PCM1: variants seen among roughly 807,000 people sequenced by gnomAD.
PCM1 encodes the protein pericentriolar material 1 protein.
Under a neutral mutation model 241.9 loss-of-function variants are expected in PCM1, and 157 were observed. The observed-to-expected ratio is 0.65, with a 90% CI of 0.57 to 0.74. The LOEUF is 0.74. Ranked by LOEUF, PCM1 falls within the 30% of genes least tolerant of loss-of-function variation. The pLI is 0.00. For missense variants in PCM1, 3,478 were observed against 2,360.1 expected (o/e 1.47, Z -9.81); for synonymous variants, 1,085 against 784.9 (o/e 1.38, Z -6.39).
rs550672840 is a variant in PCM1, at chr8:17,948,294, CTTTTTTTTTTTTTTT to C, written c.961+944_961+958del. ...GAACGTTATGACTTTCAAATAACCTCTTTTTTTTTTTTTTTTTTTTTTTTTTTGGAGACAGAGTTT... is the reference window on the plus strand; with the variant it reads ...GAACGTTATGACTTTCAAATAACCTCTTTTTTTTTTTTGGAGACAGAGTTT... On this transcript the variant is annotated intron_variant, in intron 7 of 38. Coordinates refer to ENST00000325083, the MANE Select transcript of PCM1 (RefSeq NM_006197.4). 3.0e-3 allele frequency among the ~76,000 whole-genome samples: 191 copies of C among 64,010 alleles called. 1 individual carries two copies. The highest frequency in any genetic ancestry group is 0.011 in the African/African-American group (179 of 15,844). 42.0% of individuals were successfully genotyped at this position (64,010 alleles called of 152,430 possible). A position where few individuals can be genotyped will look rare whatever the true frequency, so the allele number is the denominator to read the frequency against.
rs142633147 is a variant in PCM1, at chr8:18,015,943, C to T, written c.5841+1103C>T. 471 of 152,798 alleles carry T rather than the reference C, an allele frequency of 3.1e-3. 3 individuals are homozygous for T. The highest frequency in any genetic ancestry group is 0.011 in the African/African-American group (451 of 41,586). 9.5% of individuals were successfully genotyped at this position (152,798 alleles called of 1,614,324 possible). Reference sequence around the variant, plus strand: ...TCGCTCTGTCATCCAGGCTGGAGTGCAGTGGCGCGATCTCGGCTCACTGCA... The same window carrying T: ...TCGCTCTGTCATCCAGGCTGGAGTGTAGTGGCGCGATCTCGGCTCACTGCA... On this transcript the variant is annotated intron_variant, in intron 36 of 38. Coordinates refer to ENST00000325083, the MANE Select transcript of PCM1 (RefSeq NM_006197.4).
At chr8:17,968,850 C>A (rs1316782851) in intron 21 of PCM1, among the ~76,000 whole-genome samples, 1 of 149,686 alleles carries the variant, frequency 6.7e-6, no homozygotes, top group East Asian at 2.0e-4. Flanking sequence ...CTTTTTAGTT[C>A]TTGGGTGTCA....
At chr8:17,974,363 A>T (rs953739321) in intron 23 of PCM1, among the ~76,000 whole-genome samples, 2 of 152,194 alleles carry the variant, frequency 1.3e-5, no homozygotes, top group Non-Finnish European at 2.9e-5. Flanking sequence ...AAATGAAGAA[A>T]AGCTGACATT....
chr8:17,974,869 A>G (rs1442536109), intron 23 of PCM1, among the ~76,000 whole-genome samples: 1 of 151,494 alleles, frequency 6.6e-6, no homozygotes, highest in African/African-American at 2.4e-5. Flanking sequence ...ACACACACAC[A>G]CACACACACA....
intron 6 of PCM1, among the ~76,000 whole-genome samples, chr8:17,941,109 G>C (rs925175909): frequency 6.6e-6 from 1 of 152,094 alleles, no homozygotes; most frequent in African/African-American, 2.4e-5. Context: ...GAGATACTTA[G>C]AGAGCCTGAT....
chr8:18,004,607 T>C (rs1446553181), intron 29 of PCM1, among the ~76,000 whole-genome samples: 1 of 152,216 alleles, frequency 6.6e-6, no homozygotes, highest in Non-Finnish European at 1.5e-5. Flanking sequence ...TTATTTATGA[T>C]GTCTCATTTC....
At chr8:18,004,903 C>T (rs2090808546) in intron 29 of PCM1, among the ~76,000 whole-genome samples, 1 of 152,190 alleles carries the variant, frequency 6.6e-6, no homozygotes, top group African/African-American at 2.4e-5. Flanking sequence ...CCTTAGTCTT[C>T]AAGTGGCTTC....
At chr8:17,950,228 A>G (rs893809267) in intron 7 of PCM1, among the ~76,000 whole-genome samples, 2 of 152,222 alleles carry the variant, frequency 1.3e-5, no homozygotes, top group Admixed American at 6.5e-5. Context: ...CGGAGAATTG[A>G]TTCTATTCAA....
intron 23 of PCM1, among the ~76,000 whole-genome samples, chr8:17,976,611 C>G (rs1245653451): frequency 6.6e-6 from 1 of 152,228 alleles, no homozygotes; most frequent in Non-Finnish European, 1.5e-5. Flanking sequence ...CTTAACCTCT[C>G]TGCGCTCTTT....
At chr8:18,018,799 G>C (rs1489064869) in intron 36 of PCM1, among the ~76,000 whole-genome samples, 1 of 141,698 alleles carries the variant, frequency 7.1e-6, no homozygotes, top group East Asian at 2.1e-4. Context: ...CACAGAGCCA[G>C]ATTCCGTCTC....
intron 34 of PCM1, 60 bp from the exon 35 acceptor site, chr8:18,013,904 A>G: frequency 1.0e-6 from 1 of 966,852 alleles, no homozygotes; most frequent in Admixed American, 2.6e-5. Context: ...ACTAGTAATC[A>G]TCTCTTTTAT....
At chr8:17,981,328 A>T (rs2080713844) in intron 24 of PCM1, among the ~76,000 whole-genome samples, 1 of 152,182 alleles carries the variant, frequency 6.6e-6, no homozygotes, top group Non-Finnish European at 1.5e-5. Context: ...GACTCTTAAT[A>T]CAATTTTAAT....
In PCM1 at chr8:17,941,899, CTTCT is replaced by C. The variant is rs1236068830; in HGVS notation, c.783+2041_783+2044del. Among the ~76,000 whole-genome samples, 21 of 152,216 alleles carry C rather than the reference CTTCT, an allele frequency of 1.4e-4. No individual in the cohort carries two copies. In the South Asian group the frequency reaches 3.9e-3, roughly 29 times the overall value. On this transcript the variant is annotated intron_variant, in intron 6 of 38. Transcript: ENST00000325083. ...AGCACTTCTTCTGTTCATATTTCCTCTTCTTTATTTGCTTTTCTGTTGTTGCTAT... is the reference window on the plus strand; with the variant it reads ...AGCACTTCTTCTGTTCATATTTCCTCTTATTTGCTTTTCTGTTGTTGCTAT...
At chr8:17,959,790 C>A (rs752300891) in intron 13 of PCM1, among the ~76,000 whole-genome samples, 8 of 152,140 alleles carry the variant, frequency 5.3e-5, no homozygotes, top group Admixed American at 1.3e-4. Context: ...TTCCAAATTT[C>A]CCAATTATAA....
chr8:17,964,734 C>T lies in PCM1; in HGVS notation c.2821C>T (p.His941Tyr). Residue 941 changes from histidine to tyrosine, a missense_variant, in exon 18 of 39, where the codon CAT (histidine) becomes TAT (tyrosine). Transcript: ENST00000325083. ...TGTGTGTCCTTCTAACAGTGTGAAT[C>T]ATAACTCCTACAATGGAAAGGAAAC... Reference protein sequence around the residue: ...FSVCPSNSVNHNSYNGKETKN... With the variant: ...FSVCPSNSVNYNSYNGKETKN... The T allele has an allele frequency of 6.2e-7, 1 of 1,613,722 alleles. No homozygotes were observed. The highest frequency in any genetic ancestry group is 8.5e-7 in the Non-Finnish European group (1 of 1,179,650).
intron 10 of PCM1, 56 bp downstream of exon 10, chr8:17,955,709 T>G (rs1054862221): frequency 1.6e-5 from 16 of 969,990 alleles, no homozygotes; most frequent in East Asian, 1.1e-4. Flanking sequence ...ATAAATTCTG[T>G]TTTTTTTTTT....
intron 36 of PCM1, among the ~76,000 whole-genome samples, chr8:18,016,425 T>G (rs1169745790): frequency 9.6e-6 from 1 of 103,892 alleles, no homozygotes; most frequent in East Asian, 2.7e-4. Flanking sequence ...TGGTTACACT[T>G]TACCAGAGAA....
At chr8:17,993,666 T>A (rs770761750) in intron 29 of PCM1, 47 bp downstream of exon 29, 3 of 1,489,602 alleles carry the variant, frequency 2.0e-6, no homozygotes, top group Middle Eastern at 1.7e-4. Flanking sequence ...ATGTTTTGTT[T>A]TTTAATTCAT....
chr8:18,014,028 C>T lies in PCM1; in HGVS notation c.5576C>T (p.Thr1859Ile), dbSNP rs370295094. ...AATGTCCCATTGGAACGAGAAGCCA[C>T]TAGTAAAAGTAAGAAATCTAAATAA... ...SKNVPLEREA[T>I]SKNDQNNCPV... Residue 1859 changes from threonine (T) to isoleucine (I), a missense_variant, in exon 35 of 39, where the codon ACT becomes ATT. Thr to Ile is a moderately conservative substitution (Grantham distance 89). Coordinates refer to ENST00000325083, the MANE Select transcript of PCM1 (RefSeq NM_006197.4). 1.3e-6 allele frequency: 2 copies of T among 1,580,724 alleles called. No individual in the cohort carries two copies. The highest frequency in any genetic ancestry group is 2.3e-5 in the East Asian group (1 of 44,236).
Sources: gnomAD v4.1 joint callset for allele counts (sites outside exome capture counted in the v4.1 genomes callset) on GRCh38, gnomAD v4.1.1 for gene constraint, MANE v1.5 for transcripts, NCBI Gene and HGNC (gene_info 2026-07-23, HGNC 2026-07-21) for gene names.